Variants in TSPAN11 observed in about 807,000 individuals in gnomAD.
TSPAN11 encodes tetraspanin 11, also known as tetraspanin-11.
A neutral mutation model predicts 32.9 loss-of-function variants in TSPAN11; 29 were observed. The ratio of observed to expected loss-of-function variants is 0.88; its 90% confidence interval spans 0.66 to 1.20. TSPAN11 has a LOEUF of 1.20. TSPAN11 is among the 50% of genes most tolerant of loss of function. The pLI, the probability that TSPAN11 is intolerant of heterozygous loss-of-function variation, is 0.00. For synonymous variants in TSPAN11, 140 were observed against 141.3 expected (o/e 0.99, Z 0.07); for missense variants, 283 against 329.1 (o/e 0.86, Z 1.08).
At chr12:30,939,761 C>T (rs899037140) in intron 1 of TSPAN11, among the ~76,000 whole-genome samples, 1 of 152,166 alleles carries the variant, frequency 6.6e-6, no homozygotes, top group Non-Finnish European at 1.5e-5. Context: ...TATTCATTTT[C>T]AATCCCTGTC....
rs1939358711 is a variant in TSPAN11, at chr12:30,993,528, C to T, written c.*1613C>T. On this transcript the variant is annotated 3_prime_UTR_variant, in exon 8 of 8. Transcript: ENST00000546076. ...TTCTCTGGGTGTTCTCCAGTGGCTT[C>T]TTGGAGCCTAGGCTGGTTTATCTCC... 1 of 152,236 alleles carries T rather than the reference C, an allele frequency of 6.6e-6. No homozygotes were observed. The highest frequency in any genetic ancestry group is 2.4e-5 in the African/African-American group (1 of 41,456). The allele number at this position is 152,236 out of a possible 1,614,324, so 9.4% of individuals were successfully genotyped here.
chr12:30,975,696 C>T lies in TSPAN11; in HGVS notation c.277-2865C>T, dbSNP rs1938955588. Among the ~76,000 whole-genome samples the T allele has an allele frequency of 6.6e-6, 1 of 152,188 alleles. No homozygotes were observed. The highest frequency in any genetic ancestry group is 1.9e-4 in the East Asian group (1 of 5,178). On this transcript the variant is annotated intron_variant, in intron 3 of 7. Coordinates refer to ENST00000546076, the MANE Select transcript of TSPAN11 (RefSeq NM_001370302.1). The surrounding 1 kb of genome is among the most constrained non-coding windows in gnomAD (Gnocchi z 4.5). ...TAGTAACTGGGGCAGTGGCTTCCCCCGAGAAGTGGCGTGACACTGCCAGCT... is the reference window on the plus strand; with the variant it reads ...TAGTAACTGGGGCAGTGGCTTCCCCTGAGAAGTGGCGTGACACTGCCAGCT...
intron 7 of TSPAN11, 29 bp downstream of exon 7, chr12:30,983,179 G>T: frequency 6.3e-7 from 1 of 1,593,694 alleles, no homozygotes. Flanking sequence ...ACTGGTGGGG[G>T]TGGAAGGGCT....
chr12:30,977,544 TC>T (rs199694567), intron 3 of TSPAN11, among the ~76,000 whole-genome samples: 3 of 151,418 alleles, frequency 2.0e-5, no homozygotes, highest in African/African-American at 7.3e-5. Context: ...TCCCCCTCTC[TC>T]CTCTCTTCTC....
At chr12:31,004,919 G>A in the TSPAN11 span, among the ~76,000 whole-genome samples, 1 of 152,252 alleles carries the variant, frequency 6.6e-6, no homozygotes, top group Non-Finnish European at 1.5e-5. Context: ...CCATCACCCT[G>A]TGATGAGTTG....
chr12:30,975,902 C>T lies in TSPAN11; in HGVS notation c.277-2659C>T, dbSNP rs1938960575. On this transcript the variant is annotated intron_variant, in intron 3 of 7. Transcript: ENST00000546076. The surrounding 1 kb of genome is among the most constrained non-coding windows in gnomAD (Gnocchi z 4.5). The stretch of plus-strand genomic sequence containing the variant: ...TCTCTGGGAGCCACTGGCATCAATG[C>T]CTTCAGGTCCTGTGCAGCAGGAGGG... Among the ~76,000 whole-genome samples, 1 of 152,196 alleles carries T rather than the reference C, an allele frequency of 6.6e-6. No individual in the cohort carries two copies. The highest frequency in any genetic ancestry group is 2.4e-5 in the African/African-American group (1 of 41,454).
chr12:30,991,819 G>A (rs1939316924), intron 7 of TSPAN11, 37 bp from the exon 8 acceptor site: 1 of 1,613,516 alleles, frequency 6.2e-7, no homozygotes, highest in Admixed American at 1.7e-5. Context: ...CAGGAGTTCT[G>A]ATTTCTCTTT....
intron 4 of TSPAN11, 127 bp downstream of exon 4, chr12:30,978,762 G>A (rs1438639831): frequency 4.1e-5 from 36 of 876,476 alleles, no homozygotes; most frequent in South Asian, 2.4e-4. Flanking sequence ...CCCAGGCCCC[G>A]GCAATCCCCC....
At chr12:31,004,434 C>G in the TSPAN11 span, among the ~76,000 whole-genome samples, 11 of 152,066 alleles carry the variant, frequency 7.2e-5, no homozygotes, top group Admixed American at 2.0e-4. Context: ...GTCGATGAAC[C>G]CTGGGAAGGA....
chr12:30,943,375 T>G (rs918779493), intron 1 of TSPAN11, among the ~76,000 whole-genome samples: 1 of 152,256 alleles, frequency 6.6e-6, no homozygotes, highest in Admixed American at 6.5e-5. Context: ...TGTGCCTCAG[T>G]TTTCTCCTCT....
At chr12:30,939,238 CAA>C (rs34239881) in intron 1 of TSPAN11, among the ~76,000 whole-genome samples, 20 of 136,886 alleles carry the variant, frequency 1.5e-4, no homozygotes, top group Admixed American at 2.9e-4. Flanking sequence ...AAGACTCCAT[CAA>C]AAAAAAAAAA....
intron 5 of TSPAN11, among the ~76,000 whole-genome samples, chr12:30,981,096 G>A (rs1176649978): frequency 6.6e-6 from 1 of 152,180 alleles, no homozygotes; most frequent in Non-Finnish European, 1.5e-5. Context: ...GGGCAGATGA[G>A]GAAAGGCACA....
At chr12:31,010,242 C>T in the TSPAN11 span, among the ~76,000 whole-genome samples, 3 of 152,164 alleles carry the variant, frequency 2.0e-5, no homozygotes, top group Admixed American at 6.5e-5. Context: ...TCAGGGACCC[C>T]GGGGTCAAAT....
intron 1 of TSPAN11, among the ~76,000 whole-genome samples, chr12:30,939,854 C>T (rs1330824909): frequency 2.0e-5 from 3 of 152,320 alleles, no homozygotes; most frequent in African/African-American, 7.2e-5. Flanking sequence ...AGGTGTTTCC[C>T]ATCAATGGAA....
rs922491366 is a variant in TSPAN11 at position 30,996,131 on chromosome 12, G to C, written c.*4216G>C. On this transcript the variant is annotated 3_prime_UTR_variant, in exon 8 of 8. Coordinates refer to ENST00000546076, the MANE Select transcript of TSPAN11 (RefSeq NM_001370302.1). ...TCTGCTGTGCGTCTGTGCAGTTCTT[G>C]TTCTTCCCTGGAGGACTCTTGGATC... 3 of 152,232 alleles carry C rather than the reference G, an allele frequency of 2.0e-5. No individual in the cohort carries two copies. Among genetic ancestry groups the C allele is most frequent in the Admixed American group, 6.5e-5 (1 of 15,276 alleles). The allele number at this position is 152,232 out of a possible 1,614,324, so 9.4% of individuals were successfully genotyped here.
the TSPAN11 span, among the ~76,000 whole-genome samples, chr12:31,008,111 C>CT: frequency 0.064 from 9,346 of 145,012 alleles, 349 homozygotes; most frequent in Middle Eastern, 0.13. Context: ...TTTCTTTTTT[C>CT]TTTTTTTTTT....
chr12:30,991,398 GAC>G (rs1314129029), intron 7 of TSPAN11, among the ~76,000 whole-genome samples: 7 of 152,184 alleles, frequency 4.6e-5, no homozygotes, highest in African/African-American at 1.7e-4. Flanking sequence ...TTCCTAGAGA[GAC>G]AGTCCACTTC....
chr12:30,978,782 G>A lies in TSPAN11; in HGVS notation c.351+147G>A, dbSNP rs116838353. The A allele has an allele frequency of 1.4e-3, 985 of 681,390 alleles. 9 individuals carry two copies. In the African/African-American group the frequency reaches 0.016, roughly 11 times the overall value. The allele number at this position is 681,390 out of a possible 1,614,324, so 42.2% of individuals were successfully genotyped here. A position where few individuals can be genotyped will look rare whatever the true frequency, so the allele number is the denominator to read the frequency against. On this transcript the variant is annotated intron_variant, in intron 4 of 7. Coordinates refer to ENST00000546076, the MANE Select transcript of TSPAN11 (RefSeq NM_001370302.1). Reference sequence around the variant, plus strand: ...GCCCCGGCAATCCCCCTACATATCTGCATCCCAGCTGCTGGTCCTGGCTCC... The same window carrying A: ...GCCCCGGCAATCCCCCTACATATCTACATCCCAGCTGCTGGTCCTGGCTCC...
intron 4 of TSPAN11, 24 bp downstream of exon 4, chr12:30,978,659 C>T (rs1347657947): frequency 1.2e-6 from 2 of 1,610,726 alleles, no homozygotes; most frequent in Non-Finnish European, 1.7e-6. Context: ...CCTCCTCCTG[C>T]ATCCTCTGTC....
Sources: allele counts gnomAD v4.1 joint callset (sites outside exome capture counted in the v4.1 genomes callset), GRCh38; gene constraint gnomAD v4.1.1; non-coding constraint Gnocchi (gnomAD v3.1); transcripts MANE v1.5; gene names NCBI Gene and HGNC (gene_info 2026-07-23, HGNC 2026-07-21).